Variants in CYP2C19 observed in about 807,000 individuals in gnomAD.
CYP2C19 encodes cytochrome P450 family 2 subfamily C member 19.
Under a neutral mutation model 40.9 loss-of-function variants are expected in CYP2C19, and 59 were observed. The ratio of observed to expected loss-of-function variants is 1.44; its 90% confidence interval spans 1.17 to 1.79. CYP2C19 has a LOEUF of 1.79. Ranked by LOEUF, CYP2C19 falls within the 40% of genes most tolerant of loss-of-function variation. The probability of loss-of-function intolerance (pLI) is 0.00; values close to 1 mark genes in which losing one functional copy is unlikely to be tolerated. For missense variants in CYP2C19, 754 were observed against 596.9 expected (o/e 1.26, Z -2.74); for synonymous variants, 253 against 208.7 (o/e 1.21, Z -1.83).
chr10:94,827,484 T>C (rs1849247553), intron 6 of CYP2C19, among the ~76,000 whole-genome samples: 4 of 152,164 alleles, frequency 2.6e-5, no homozygotes, highest in Admixed American at 2.6e-4. Flanking sequence ...TGGTAGTTTG[T>C]ATTTCTGTGG....
chr10:94,820,622 C>A lies in CYP2C19; in HGVS notation c.946C>A (p.His316Asn). 1 of 1,614,172 alleles carries A rather than the reference C, an allele frequency of 6.2e-7. No individual in the cohort carries two copies. The stretch of plus-strand genomic sequence containing the variant: ...ATATGCTCTCCTTCTCCTGCTGAAG[C>A]ACCCAGAGGTCACAGGTATGATCAC... ...LRYALLLLLK[H>N]PEVTAKVQEE... The change falls in exon 6 of 9, where the codon CAC becomes AAC. Residue 316 changes from histidine (H) to asparagine (N), a missense_variant. Physicochemically the swap from His to Asn is moderately conservative, Grantham distance 68. Coordinates refer to ENST00000371321, the MANE Select transcript of CYP2C19 (RefSeq NM_000769.4).
chr10:94,789,845 A>G (rs1290160465), intron 5 of CYP2C19, among the ~76,000 whole-genome samples: 1 of 152,118 alleles, frequency 6.6e-6, no homozygotes, highest in African/African-American at 2.4e-5. Flanking sequence ...TTGGTTCCCT[A>G]TGAAAATGAA....
chr10:94,766,997 G>A (rs1437416277), intron 1 of CYP2C19, among the ~76,000 whole-genome samples: 3 of 152,214 alleles, frequency 2.0e-5, no homozygotes, highest in African/African-American at 7.2e-5. Context: ...CTTCAGGTAG[G>A]TTTTTAAGGT....
chr10:94,849,849 A>T (rs1015417216), intron 7 of CYP2C19, 68 bp from the exon 8 acceptor site: 14 of 1,573,838 alleles, frequency 8.9e-6, no homozygotes, highest in Admixed American at 1.7e-5. Context: ...TAACTGCATG[A>T]TTACCACTGT....
chr10:94,802,768 A>T (rs567735923), intron 5 of CYP2C19, among the ~76,000 whole-genome samples: 1 of 152,190 alleles, frequency 6.6e-6, no homozygotes, highest in South Asian at 2.1e-4. Flanking sequence ...GATTCTTGTA[A>T]GGCAGGCCTG....
chr10:94,835,417 G>A (rs1231485361), intron 6 of CYP2C19, among the ~76,000 whole-genome samples: 1 of 152,138 alleles, frequency 6.6e-6, no homozygotes, highest in East Asian at 1.9e-4. Flanking sequence ...AGAAAACTAT[G>A]TCTTCATGAG....
chr10:94,783,013 A>G (rs180878506), intron 5 of CYP2C19, among the ~76,000 whole-genome samples: 1 of 152,252 alleles, frequency 6.6e-6, no homozygotes, highest in East Asian at 1.9e-4. Flanking sequence ...AATGTAGATG[A>G]CAAGTTCATA....
Position 94,814,371 on chromosome 10 carries a change from A to C in CYP2C19, c.820-6125A>C, listed in dbSNP as rs201695670. Reference sequence around the variant, plus strand: ...CCCTTTGGTGGTGCCATATTTCTTTATTTTTCATGTTGTGTCCCTGAATTT... The same window carrying C: ...CCCTTTGGTGGTGCCATATTTCTTTCTTTTTCATGTTGTGTCCCTGAATTT... On this transcript the variant is annotated intron_variant, in intron 5 of 8. Coordinates refer to ENST00000371321, the MANE Select transcript of CYP2C19 (RefSeq NM_000769.4). Among the ~76,000 whole-genome samples the C allele has an allele frequency of 4.0e-5, 6 of 151,554 alleles. No homozygotes were observed. The East Asian group carries it at 7.8e-4, about 20-fold the overall frequency.
In CYP2C19 at chr10:94,848,664, G is replaced by A. The variant is rs557781735; in HGVS notation, c.1150-1253G>A. On this transcript the variant is annotated intron_variant, in intron 7 of 8. Transcript: ENST00000371321. ...TGGCATTGAATCTATAAATTACCTT[G>A]GGCAGTATGGCCATTTTCACAATAT... Among the ~76,000 whole-genome samples, 36 of 152,244 alleles carry A rather than the reference G, an allele frequency of 2.4e-4. No individual in the cohort carries two copies. In the South Asian group the frequency reaches 7.0e-3, roughly 30 times the overall value.
chr10:94,813,246 G>A lies in CYP2C19; in HGVS notation c.820-7250G>A, dbSNP rs2793284. On this transcript the variant is annotated intron_variant, in intron 5 of 8. Transcript: ENST00000371321. ...GTGTGTTTATTCCTCTGGAAGCTTC[G>A]TCCTAGAGGGACACTTGCCAGATAC... Among the ~76,000 whole-genome samples, 19 of 152,054 alleles carry A rather than the reference G, an allele frequency of 1.2e-4. 1 individual carries two copies. The highest frequency in any genetic ancestry group is 3.6e-4 in the African/African-American group (15 of 41,454).
At chr10:94,826,245 G>C (rs1265113678) in intron 6 of CYP2C19, among the ~76,000 whole-genome samples, 2 of 151,962 alleles carry the variant, frequency 1.3e-5, no homozygotes, top group Non-Finnish European at 2.9e-5. Flanking sequence ...AAATTACCTT[G>C]GGCAGTATGG....
chr10:94,794,448 G>A (rs1215597911), intron 5 of CYP2C19, among the ~76,000 whole-genome samples: 1 of 152,168 alleles, frequency 6.6e-6, no homozygotes, highest in Non-Finnish European at 1.5e-5. Flanking sequence ...CACACTGGGA[G>A]CTGTAGACTG....
In CYP2C19 at chr10:94,820,516, T is replaced by C. The variant is rs1420226324; in HGVS notation, c.840T>C (p.Ser280=). Residue 280 remains serine, a synonymous_variant, in exon 6 of 9, where the codon TCT becomes TCC. Transcript: ENST00000371321. Reference sequence around the variant, plus strand: ...CCTAGGAAAAGCAAAACCAACAGTCTGAATTCACTATTGAAAACTTGGTAA... The same window carrying C: ...CCTAGGAAAAGCAAAACCAACAGTCCGAATTCACTATTGAAAACTTGGTAA... ...KMEKEKQNQQ[S]EFTIENLVIT... 1 of 1,614,066 alleles carries C rather than the reference T, an allele frequency of 6.2e-7. No individual in the cohort carries two copies. The highest frequency in any genetic ancestry group is 1.3e-5 in the African/African-American group (1 of 74,938).
intron 3 of CYP2C19, chr10:94,776,573 A>G (rs1848410359): frequency 6.6e-6 from 1 of 152,202 alleles, no homozygotes; most frequent in Non-Finnish European, 1.5e-5. Context: ...ATTCATTCAG[A>G]GTACTTTTGA....
At chr10:94,803,970 G>T (rs562200299) in intron 5 of CYP2C19, among the ~76,000 whole-genome samples, 1 of 151,902 alleles carries the variant, frequency 6.6e-6, no homozygotes, top group South Asian at 2.1e-4. Flanking sequence ...GTGGCTCAGG[G>T]TGCTGATCCA....
chr10:94,774,743 C>A, intron 1 of CYP2C19: 1 of 304,370 alleles, frequency 3.3e-6, no homozygotes, highest in Non-Finnish European at 6.1e-6. Context: ...CTGTGGGACA[C>A]TGAAAATGAA....
At chr10:94,791,045 G>T (rs762197452) in intron 5 of CYP2C19, among the ~76,000 whole-genome samples, 3 of 152,002 alleles carry the variant, frequency 2.0e-5, no homozygotes, top group Non-Finnish European at 4.4e-5. Flanking sequence ...CAATTTCAGA[G>T]CCTGTTATTG....
intron 6 of CYP2C19, among the ~76,000 whole-genome samples, chr10:94,821,063 A>T (rs1017753161): frequency 1.3e-5 from 2 of 152,144 alleles, no homozygotes; most frequent in African/African-American, 2.4e-5. Context: ...AGCCTGGGTG[A>T]CAGAGTGGGA....
chr10:94,801,825 G>A (rs1236234870), intron 5 of CYP2C19, among the ~76,000 whole-genome samples: 1 of 152,088 alleles, frequency 6.6e-6, no homozygotes, highest in Non-Finnish European at 1.5e-5. Context: ...GTTACATTGT[G>A]TCTGGATTTT....
Sources: allele counts gnomAD v4.1 joint callset (sites outside exome capture counted in the v4.1 genomes callset), GRCh38; gene constraint gnomAD v4.1.1; transcripts MANE v1.5; gene names NCBI Gene and HGNC (gene_info 2026-07-23, HGNC 2026-07-21).